APOL6: variants seen among roughly 807,000 people sequenced by gnomAD.
APOL6 encodes the protein apolipoprotein L, 6.
Under a neutral mutation model 2.4 loss-of-function variants are expected in APOL6, and 1 was observed. The observed-to-expected ratio is 0.41, with a 90% confidence interval of 0.15 to 1.94. The LOEUF (loss-of-function observed/expected upper bound fraction) is 1.94. Ranked by LOEUF, APOL6 falls within the 30% of genes most tolerant of loss-of-function variation. APOL6 has a pLI of 0.30. For synonymous variants in APOL6, 189 were observed against 169.3 expected (o/e 1.12, Z -0.90); for missense variants, 438 against 429.2 (o/e 1.02, Z -0.18).
At position 35,658,364 on chromosome 22, in the gene APOL6, A is replaced by G. The variant is rs561197633; in HGVS notation, c.51-251A>G. The stretch of plus-strand genomic sequence containing the variant: ...CCTCAGGACTTAATTTTCCTTCCCC[A>G]TTCCTTGACCAAGGCTGGGGTGATT... On this transcript the variant is annotated intron_variant, in intron 2 of 2. Transcript: ENST00000409652. Among the ~76,000 whole-genome samples, 29 of 152,216 alleles carry G rather than the reference A, an allele frequency of 1.9e-4. No homozygotes were observed. The South Asian group carries it at 5.6e-3, about 29-fold the overall frequency.
In APOL6 at chr22:35,667,880, C is replaced by T. The variant is rs1051892787; in HGVS notation, c.*8284C>T. 3 of 152,134 alleles carry T rather than the reference C, an allele frequency of 2.0e-5. No homozygotes were observed. Among genetic ancestry groups the T allele is most frequent in the East Asian group, 3.8e-4 (2 of 5,198 alleles). The allele number at this position is 152,134 out of a possible 1,614,324, so 9.4% of individuals were successfully genotyped here. ...TGGGGACTAAACAAAATTCTGAGGC[C>T]CCCTCAACCATCTAAATGGACTTCC... On this transcript the variant is annotated 3_prime_UTR_variant, in exon 3 of 3. Transcript: ENST00000409652.
Position 35,659,349 on chromosome 22 carries a change from G to C in APOL6, c.785G>C (p.Gly262Ala), listed in dbSNP as rs1176759372. ...AAGGAATGGAAGCACCTGAAGGAAG[G>C]AGCAAGGACAAAGTTTGCGGAAGAG... Reference protein sequence around the residue: ...LSKEWKHLKEGARTKFAEELR... With the variant: ...LSKEWKHLKEAARTKFAEELR... The change falls in exon 3 of 3, where the codon GGA (glycine) becomes GCA (alanine). Residue 262 changes from glycine (G) to alanine (A), a missense_variant. Transcript: ENST00000409652. 6.8e-6 allele frequency: 11 copies of C among 1,614,074 alleles called. No homozygotes were observed. Among genetic ancestry groups the C allele is most frequent in the Non-Finnish European group, 9.3e-6 (11 of 1,179,962 alleles).
At chr22:35,648,861 A>G (rs538669378) in intron 1 of APOL6, among the ~76,000 whole-genome samples, 27 of 152,316 alleles carry the variant, frequency 1.8e-4, no homozygotes, top group African/African-American at 6.5e-4. Context: ...AAACATGCTA[A>G]AGCATGCGAT....
rs1211250557 is a variant in APOL6 at position 35,659,484 on chromosome 22, TA to T, written c.922del (p.Thr308LeufsTer13). 9.6e-5 allele frequency: 155 copies of T among 1,613,950 alleles called. No homozygotes were observed. The highest frequency in any genetic ancestry group is 1.2e-4 in the Non-Finnish European group (142 of 1,180,010). ...RSRARGVGKD[L>X]TGTCETEAYW... The stretch of plus-strand genomic sequence containing the variant: ...AGGGCCAGAGGGGTGGGGAAGGATT[TA>T]ACTGGGACCTGCGAAACCGAGGCTT... On this transcript the variant is annotated frameshift_variant, in exon 3 of 3. Coordinates refer to ENST00000409652, the MANE Select transcript of APOL6 (RefSeq NM_030641.4). LOFTEE classifies it low-confidence loss of function (END_TRUNC).
chr22:35,659,608 G>A lies in APOL6; in HGVS notation c.*12G>A. ...TACAGTTTACATGAATGTTCCTCAG[G>A]ACATGGCATACAATGGCCTTGGAGG... On this transcript the variant is annotated 3_prime_UTR_variant, in exon 3 of 3. Transcript: ENST00000409652. 1 of 1,584,408 alleles carries A rather than the reference G, an allele frequency of 6.3e-7. No individual in the cohort carries two copies. The highest frequency in any genetic ancestry group is 1.3e-5 in the African/African-American group (1 of 74,356).
intron 2 of APOL6, among the ~76,000 whole-genome samples, chr22:35,658,100 G>C (rs5755830): frequency 6.6e-6 from 1 of 152,112 alleles, no homozygotes; most frequent in East Asian, 1.9e-4. Context: ...AACCAGATTC[G>C]AGGTCATTAG....
rs370175184 is a variant in APOL6, at chr22:35,652,084, G to A, written c.-48+3461G>A. ...GTTGTTTGCTGACTTTTTAATGATC[G>A]CCATTCTAACTGGTGTGAGATGGTA... On this transcript the variant is annotated intron_variant, in intron 1 of 2. Coordinates refer to ENST00000409652, the MANE Select transcript of APOL6 (RefSeq NM_030641.4). Among the ~76,000 whole-genome samples, 1,155 of 152,142 alleles carry A rather than the reference G, an allele frequency of 7.6e-3. 8 individuals carry two copies. Among genetic ancestry groups the A allele is most frequent in the Non-Finnish European group, 0.012 (843 of 68,006 alleles).
Position 35,663,513 on chromosome 22 carries a change from A to C in APOL6, c.*3917A>C, listed in dbSNP as rs2145961743. On this transcript the variant is annotated 3_prime_UTR_variant, in exon 3 of 3. Transcript: ENST00000409652. Reference sequence around the variant, plus strand: ...AGACCTTGTCTTTTTTTTGTAGCAAAAGTTTTTTTTTTTTTTTTCCTTTTA... The same window carrying C: ...AGACCTTGTCTTTTTTTTGTAGCAACAGTTTTTTTTTTTTTTTTCCTTTTA... 6.6e-6 allele frequency: 1 copy of C among 150,890 alleles called. No homozygotes were observed. Among genetic ancestry groups the C allele is most frequent in the Non-Finnish European group, 1.5e-5 (1 of 67,804 alleles). 9.3% of individuals were successfully genotyped at this position (150,890 alleles called of 1,614,324 possible).
chr22:35,666,697 A>G lies in APOL6; in HGVS notation c.*7101A>G, dbSNP rs1255482084. On this transcript the variant is annotated 3_prime_UTR_variant, in exon 3 of 3. Coordinates refer to ENST00000409652, the MANE Select transcript of APOL6 (RefSeq NM_030641.4). Reference sequence around the variant, plus strand: ...TCAGAATAGAGGGAAAAGTTTCAGGACTCATGGAGAGCTAAAATGTTCATG... The same window carrying G: ...TCAGAATAGAGGGAAAAGTTTCAGGGCTCATGGAGAGCTAAAATGTTCATG... 1 of 152,160 alleles carries G rather than the reference A, an allele frequency of 6.6e-6. No individual in the cohort carries two copies. The highest frequency in any genetic ancestry group is 1.5e-5 in the Non-Finnish European group (1 of 68,030). The allele number at this position is 152,160 out of a possible 1,614,324, so 9.4% of individuals were successfully genotyped here.
rs1925081374 is a variant in APOL6, at chr22:35,663,281, C to CCTT, written c.*3685_*3686insCTT. Reference sequence around the variant, plus strand: ...CCAGCTTTTTGCTAGCCAGACCAAACTCAAAGAGCAATGGCTGTACTTCTG... The same window carrying CCTT: ...CCAGCTTTTTGCTAGCCAGACCAAACCTTTCAAAGAGCAATGGCTGTACTTCTG... On this transcript the variant is annotated 3_prime_UTR_variant, in exon 3 of 3. Transcript: ENST00000409652. 6.6e-6 allele frequency: 1 copy of CCTT among 152,136 alleles called. No individual in the cohort carries two copies. 9.4% of individuals were successfully genotyped at this position (152,136 alleles called of 1,614,324 possible). A position where few individuals can be genotyped will look rare whatever the true frequency, so the allele number is the denominator to read the frequency against.
chr22:35,659,141 G>A lies in APOL6; in HGVS notation c.577G>A (p.Ala193Thr), dbSNP rs775935414. ...KNVRAFWKLR[A>T]NPRLANATKR... Reference sequence around the variant, plus strand: ...CGTCCGTGCATTTTGGAAACTCAGAGCCAACCCACGCTTGGCCAATGCTAC... The same window carrying A: ...CGTCCGTGCATTTTGGAAACTCAGAACCAACCCACGCTTGGCCAATGCTAC... Residue 193 changes from alanine (A) to threonine (T), a missense_variant, in exon 3 of 3, where the codon GCC becomes ACC. Transcript: ENST00000409652. The A allele has an allele frequency of 6.2e-7, 1 of 1,614,152 alleles. No individual in the cohort carries two copies. Among genetic ancestry groups the A allele is most frequent in the Admixed American group, 1.7e-5 (1 of 60,010 alleles).
In APOL6 at chr22:35,663,151, C is replaced by T. The variant is rs1925078064; in HGVS notation, c.*3555C>T. 2 of 152,096 alleles carry T rather than the reference C, an allele frequency of 1.3e-5. No individual in the cohort carries two copies. The highest frequency in any genetic ancestry group is 1.3e-4 in the Admixed American group (2 of 15,266). 9.4% of individuals were successfully genotyped at this position (152,096 alleles called of 1,614,324 possible). The stretch of plus-strand genomic sequence containing the variant: ...TGTCTTAGTCAAATCTGAAGGGGAA[C>T]CCTAAATTACGGGGTCAAGGACTCT... On this transcript the variant is annotated 3_prime_UTR_variant, in exon 3 of 3. Coordinates refer to ENST00000409652, the MANE Select transcript of APOL6 (RefSeq NM_030641.4).
chr22:35,649,354 C>T (rs1307713762), intron 1 of APOL6, among the ~76,000 whole-genome samples: 1 of 151,058 alleles, frequency 6.6e-6, no homozygotes, highest in Non-Finnish European at 1.5e-5. Context: ...GGAAGGATCA[C>T]TTGAACCCAG....
chr22:35,655,478 C>A (rs983805606), intron 1 of APOL6, among the ~76,000 whole-genome samples: 1 of 151,930 alleles, frequency 6.6e-6, no homozygotes, highest in African/African-American at 2.4e-5. Flanking sequence ...TAAATGGAGC[C>A]ATTTGTTTGA....
intron 2 of APOL6, among the ~76,000 whole-genome samples, chr22:35,656,990 A>G (rs142631285): frequency 2.0e-5 from 3 of 152,336 alleles, no homozygotes; most frequent in East Asian, 1.9e-4. Flanking sequence ...ATGTTATCCA[A>G]TGCCAGTAGA....
At chr22:35,657,709 C>T (rs1463752450) in intron 2 of APOL6, among the ~76,000 whole-genome samples, 1 of 152,180 alleles carries the variant, frequency 6.6e-6, no homozygotes, top group African/African-American at 2.4e-5. Context: ...CTCCCTCCAG[C>T]TCTGATGTTC....
At chr22:35,653,250 A>G (rs925958999) in intron 1 of APOL6, among the ~76,000 whole-genome samples, 32 of 152,208 alleles carry the variant, frequency 2.1e-4, no homozygotes, top group African/African-American at 7.5e-4. Flanking sequence ...TTGATTTTGT[A>G]TCCCGAGACT....
chr22:35,658,094 A>T (rs1266725551), intron 2 of APOL6, among the ~76,000 whole-genome samples: 1 of 152,104 alleles, frequency 6.6e-6, no homozygotes, highest in Non-Finnish European at 1.5e-5. Context: ...CAGAGTAACC[A>T]GATTCGAGGT....
Position 35,667,110 on chromosome 22 carries a change from T to G in APOL6, c.*7514T>G, listed in dbSNP as rs1925206888. 1 of 152,216 alleles carries G rather than the reference T, an allele frequency of 6.6e-6. No individual in the cohort carries two copies. The highest frequency in any genetic ancestry group is 6.5e-5 in the Admixed American group (1 of 15,280). The allele number at this position is 152,216 out of a possible 1,614,324, so 9.4% of individuals were successfully genotyped here. On this transcript the variant is annotated 3_prime_UTR_variant, in exon 3 of 3. Coordinates refer to ENST00000409652, the MANE Select transcript of APOL6 (RefSeq NM_030641.4). ...TGACTTATGGAACCAATAAAGTCCT[T>G]GGAAAAACTGGCCCCATATTTTGTG...
Sources: gnomAD v4.1 joint callset for allele counts (sites outside exome capture counted in the v4.1 genomes callset) on GRCh38, gnomAD v4.1.1 for gene constraint, MANE v1.5 for transcripts, NCBI Gene and HGNC (gene_info 2026-07-23, HGNC 2026-07-21) for gene names.